RSRC1: variants seen among roughly 807,000 people sequenced by gnomAD.
RSRC1 encodes the protein arginine and serine rich coiled-coil 1.
Under a neutral mutation model 49.1 loss-of-function variants are expected in RSRC1, and 39 were observed. That is an observed-to-expected ratio of 0.79 (90% CI 0.61 to 1.04). RSRC1 has a LOEUF of 1.04. Among genes scored for constraint, RSRC1 ranks in the 50% least tolerant of loss-of-function variants. The pLI, the probability that RSRC1 is intolerant of heterozygous loss-of-function variation, is 0.00. For missense variants in RSRC1, 388 were observed against 402.4 expected (o/e 0.96, Z 0.31); for synonymous variants, 143 against 130.8 (o/e 1.09, Z -0.63).
intron 4 of RSRC1, among the ~76,000 whole-genome samples, chr3:158,289,937 A>G (rs1726823729): frequency 6.6e-6 from 1 of 150,420 alleles, no homozygotes; most frequent in Admixed American, 6.6e-5. Flanking sequence ...CCATCCATCC[A>G]TCCATCCATC....
chr3:158,264,600 T>C (rs1161998451), intron 4 of RSRC1, among the ~76,000 whole-genome samples: 2 of 152,210 alleles, frequency 1.3e-5, no homozygotes, highest in Non-Finnish European at 2.9e-5. Flanking sequence ...TGAGAGAATA[T>C]TGGAAATCTC....
intron 7 of RSRC1, among the ~76,000 whole-genome samples, chr3:158,513,919 G>A (rs1740346355): frequency 6.6e-6 from 1 of 152,176 alleles, no homozygotes; most frequent in Admixed American, 6.5e-5. Context: ...GGTGTTGGCA[G>A]TATTCTCTGA....
intron 3 of RSRC1, among the ~76,000 whole-genome samples, chr3:158,172,118 A>G (rs966218739): frequency 9.9e-5 from 15 of 152,208 alleles, no homozygotes; most frequent in African/African-American, 3.6e-4. Flanking sequence ...TTTCAGAACA[A>G]GAAAAGAGAG....
intron 7 of RSRC1, among the ~76,000 whole-genome samples, chr3:158,519,325 C>T (rs553163846): frequency 2.0e-5 from 3 of 152,066 alleles, no homozygotes; most frequent in Admixed American, 6.6e-5. Flanking sequence ...GAGTGACCAG[C>T]GGTTTCTCTA....
intron 6 of RSRC1, among the ~76,000 whole-genome samples, chr3:158,377,459 C>T (rs1252186498): frequency 6.6e-6 from 1 of 151,952 alleles, no homozygotes; most frequent in Non-Finnish European, 1.5e-5. Context: ...GCTCTGAGTT[C>T]GCATGAGATT....
chr3:158,326,190 C>T (rs1442888419), intron 5 of RSRC1, among the ~76,000 whole-genome samples: 1 of 152,290 alleles, frequency 6.6e-6, no homozygotes, highest in Non-Finnish European at 1.5e-5. Flanking sequence ...GACAATTTGA[C>T]TTCCTCTTTT....
chr3:158,113,888 ACT>A (rs1714600805), intron 1 of RSRC1, among the ~76,000 whole-genome samples: 2 of 150,958 alleles, frequency 1.3e-5, no homozygotes, highest in Non-Finnish European at 2.9e-5. Context: ...TTCCTTATAG[ACT>A]CTGGATATTA....
chr3:158,370,330 A>C (rs370865873), intron 6 of RSRC1, among the ~76,000 whole-genome samples: 4 of 152,134 alleles, frequency 2.6e-5, no homozygotes. Context: ...AAATGTATTC[A>C]GCTGTGTCAC....
At chr3:158,326,949 T>C (rs1400352527) in intron 5 of RSRC1, among the ~76,000 whole-genome samples, 1 of 152,226 alleles carries the variant, frequency 6.6e-6, no homozygotes, top group East Asian at 1.9e-4. Flanking sequence ...CTTACTGGTT[T>C]AGTCTTGGGA....
chr3:158,448,792 G>A (rs991487145), intron 6 of RSRC1, among the ~76,000 whole-genome samples: 2 of 151,910 alleles, frequency 1.3e-5, no homozygotes, highest in Admixed American at 1.3e-4. Context: ...ATCTTTGCTA[G>A]TTTGGGTAAT....
In RSRC1 at chr3:158,327,131, T is replaced by C. The variant is rs148345164; in HGVS notation, c.532-27726T>C. 1.3e-4 allele frequency among the ~76,000 whole-genome samples: 20 copies of C among 152,302 alleles called. No individual in the cohort carries two copies. The East Asian group carries it at 3.9e-3, about 29-fold the overall frequency. ...GCCTCTATTTGATTCTTCTCTCTTC[T>C]TTATTAGTCTTGCTAGCGGTCTATC... On this transcript the variant is annotated intron_variant, in intron 5 of 9. Transcript: ENST00000611884.
At chr3:158,403,218 A>G (rs1013045519) in intron 6 of RSRC1, among the ~76,000 whole-genome samples, 3 of 151,860 alleles carry the variant, frequency 2.0e-5, no homozygotes, top group East Asian at 1.9e-4. Flanking sequence ...GGTATTTACT[A>G]TTTAGATAGC....
At chr3:158,254,471 G>A (rs1270385138) in intron 4 of RSRC1, among the ~76,000 whole-genome samples, 2 of 151,712 alleles carry the variant, frequency 1.3e-5, no homozygotes, top group Non-Finnish European at 2.9e-5. Context: ...TCGCTCTGTC[G>A]CTCAGGCTGG....
At chr3:158,353,684 G>A (rs946810047) in intron 5 of RSRC1, among the ~76,000 whole-genome samples, 43 of 152,086 alleles carry the variant, frequency 2.8e-4, no homozygotes, top group African/African-American at 1.0e-3. Flanking sequence ...TCTGTATCCA[G>A]TTATTTAATT....
intron 7 of RSRC1, among the ~76,000 whole-genome samples, chr3:158,517,959 A>G (rs1158591854): frequency 6.7e-6 from 1 of 149,094 alleles, no homozygotes; most frequent in Non-Finnish European, 1.5e-5. Context: ...TATTAATTAT[A>G]TTAATATATC....
chr3:158,515,859 T>C (rs1380103328), intron 7 of RSRC1, among the ~76,000 whole-genome samples: 2 of 152,162 alleles, frequency 1.3e-5, no homozygotes, highest in Non-Finnish European at 2.9e-5. Flanking sequence ...TCATCTTCCA[T>C]CGCTGATACC....
At chr3:158,177,755 C>T (rs918490292) in intron 3 of RSRC1, among the ~76,000 whole-genome samples, 15 of 152,146 alleles carry the variant, frequency 9.9e-5, no homozygotes, top group Admixed American at 3.3e-4. Context: ...AACAAACCTG[C>T]ACTCTGCACA....
At chr3:158,500,246 ATGT>A (rs1240434196) in intron 7 of RSRC1, among the ~76,000 whole-genome samples, 2 of 152,140 alleles carry the variant, frequency 1.3e-5, no homozygotes, top group South Asian at 2.1e-4. Context: ...TCTTTTCAAA[ATGT>A]TGTTGGATTC....
intron 5 of RSRC1, among the ~76,000 whole-genome samples, chr3:158,340,666 G>A (rs1219123247): frequency 1.3e-5 from 2 of 152,190 alleles, no homozygotes; most frequent in East Asian, 3.8e-4. Flanking sequence ...CCCAGTGTCG[G>A]GTATGTCTTT....
Sources: gnomAD v4.1 joint callset for allele counts (sites outside exome capture counted in the v4.1 genomes callset) on GRCh38, gnomAD v4.1.1 for gene constraint, MANE v1.5 for transcripts, NCBI Gene and HGNC (gene_info 2026-07-23, HGNC 2026-07-21) for gene names.